The following CPE variants were observed in gnomAD, a reference collection of about 807,000 sequenced individuals.
CPE encodes the protein carbocypeptidase E.
A neutral mutation model predicts 53.5 loss-of-function variants in CPE; 17 were observed. That is an observed-to-expected ratio of 0.32 (90% confidence interval 0.22 to 0.48). The LOEUF (loss-of-function observed/expected upper bound fraction) is 0.48, where lower values mean the gene tolerates loss of function less well. Among genes scored for constraint, CPE ranks in the 20% least tolerant of loss-of-function variants. The pLI is 0.99. For synonymous variants in CPE, 226 were observed against 228.8 expected, an observed-to-expected ratio of 0.99 and a Z score of 0.11; for missense variants, 524 against 614.7, an observed-to-expected ratio of 0.85 and a Z score of 1.56.
chr4:165,480,918 A>C (rs756188723), intron 3 of CPE, among the ~76,000 whole-genome samples: 1 of 150,972 alleles, frequency 6.6e-6, no homozygotes, highest in African/African-American at 2.4e-5. Flanking sequence ...TTAGTAGTGG[A>C]TATCTTTAGG....
At chr4:165,404,559 C>T (rs1433697576) in intron 1 of CPE, 2 of 931,284 alleles carry the variant, frequency 2.1e-6, no homozygotes, top group Non-Finnish European at 3.6e-6. Flanking sequence ...AGATCTTTGG[C>T]CACATGTTTC....
intron 1 of CPE, among the ~76,000 whole-genome samples, chr4:165,430,318 A>C (rs1292441704): frequency 6.6e-6 from 1 of 152,240 alleles, no homozygotes; most frequent in East Asian, 1.9e-4. Flanking sequence ...AATTTGCACA[A>C]AAAATTTTCA....
At chr4:165,387,656 A>C (rs1430770491) in intron 1 of CPE, among the ~76,000 whole-genome samples, 5 of 152,128 alleles carry the variant, frequency 3.3e-5, no homozygotes, top group African/African-American at 1.2e-4. Flanking sequence ...TAAAAATACA[A>C]AAATTAGCCA....
chr4:165,441,212 A>C (rs1731604283), intron 1 of CPE, among the ~76,000 whole-genome samples: 1 of 152,134 alleles, frequency 6.6e-6, no homozygotes, highest in African/African-American at 2.4e-5. Context: ...TCTTGATTTG[A>C]TTGTTAATCT....
intron 3 of CPE, among the ~76,000 whole-genome samples, chr4:165,479,505 T>C (rs1732364214): frequency 6.6e-6 from 1 of 152,208 alleles, no homozygotes; most frequent in Admixed American, 6.5e-5. Context: ...CACATAGTGG[T>C]CACTTAATAC....
intron 1 of CPE, chr4:165,404,336 T>C: frequency 2.6e-6 from 2 of 772,120 alleles, no homozygotes; most frequent in South Asian, 2.7e-5. Flanking sequence ...CAGGCGGAAC[T>C]GGATGTCTTC....
chr4:165,461,827 G>T (rs1282026701), intron 1 of CPE, among the ~76,000 whole-genome samples: 1 of 152,148 alleles, frequency 6.6e-6, no homozygotes, highest in Non-Finnish European at 1.5e-5. Context: ...CATGTTAGTT[G>T]GCTTAAAGGA....
At chr4:165,392,066 A>G in intron 1 of CPE, among the ~76,000 whole-genome samples, 1 of 151,822 alleles carries the variant, frequency 6.6e-6, no homozygotes, top group Non-Finnish European at 1.5e-5. Context: ...TGAAATTTTC[A>G]TCTACAGAAA....
intron 1 of CPE, among the ~76,000 whole-genome samples, chr4:165,455,695 C>T (rs1311368129): frequency 1.3e-5 from 2 of 151,288 alleles, no homozygotes; most frequent in Non-Finnish European, 2.9e-5. Context: ...CACTGTTGCC[C>T]AGGATAGAGT....
chr4:165,404,842 C>T, intron 1 of CPE: 1 of 765,876 alleles, frequency 1.3e-6, no homozygotes, highest in South Asian at 1.3e-5. Flanking sequence ...GCAGCTGCAT[C>T]TTGTCTGCGG....
At chr4:165,485,581 A>C (rs966683136) in intron 5 of CPE, among the ~76,000 whole-genome samples, 1 of 152,190 alleles carries the variant, frequency 6.6e-6, no homozygotes, top group Non-Finnish European at 1.5e-5. Flanking sequence ...GATTTAGAGC[A>C]TGTCTAGTAC....
chr4:165,397,009 C>T (rs1474647169), intron 1 of CPE, among the ~76,000 whole-genome samples: 2 of 151,796 alleles, frequency 1.3e-5, no homozygotes, highest in African/African-American at 4.8e-5. Context: ...TGCAGTGAGC[C>T]ATGATCACAG....
chr4:165,459,011 C>T (rs891169197), intron 1 of CPE, among the ~76,000 whole-genome samples: 1 of 152,280 alleles, frequency 6.6e-6, no homozygotes, highest in East Asian at 1.9e-4. Context: ...GGCATAAATT[C>T]CTTTTACCAT....
intron 1 of CPE, among the ~76,000 whole-genome samples, chr4:165,438,572 G>A (rs1278244971): frequency 6.6e-6 from 1 of 152,096 alleles, no homozygotes; most frequent in Non-Finnish European, 1.5e-5. Context: ...CATAACCCTT[G>A]CTCCTGGGTC....
At chr4:165,382,789 A>T (rs1730524321) in intron 1 of CPE, among the ~76,000 whole-genome samples, 1 of 152,196 alleles carries the variant, frequency 6.6e-6, no homozygotes, top group Non-Finnish European at 1.5e-5. Flanking sequence ...GGTACAGGAC[A>T]TGGGGTGTAG....
At chr4:165,395,794 T>G (rs1197001602) in intron 1 of CPE, among the ~76,000 whole-genome samples, 2 of 152,148 alleles carry the variant, frequency 1.3e-5, no homozygotes, top group Non-Finnish European at 2.9e-5. Flanking sequence ...ATGCATAACA[T>G]GTAGATGCCC....
intron 6 of CPE, among the ~76,000 whole-genome samples, chr4:165,492,211 C>G (rs1480873973): frequency 6.6e-6 from 1 of 152,158 alleles, no homozygotes; most frequent in Non-Finnish European, 1.5e-5. Flanking sequence ...AATCAACATT[C>G]TATTTTCTGT....
At chr4:165,435,978 G>A (rs1442614673) in intron 1 of CPE, among the ~76,000 whole-genome samples, 1 of 152,010 alleles carries the variant, frequency 6.6e-6, no homozygotes, top group Non-Finnish European at 1.5e-5. Context: ...CCAGGGCTTG[G>A]TTTCTTGGTT....
chr4:165,464,596 A>G lies in CPE; in HGVS notation c.504+10A>G. 6.3e-7 allele frequency: 1 copy of G among 1,598,992 alleles called. No homozygotes were observed. Among genetic ancestry groups the G allele is most frequent in the East Asian group, 2.2e-5 (1 of 44,596 alleles). ...GAAGGCAGCGTCTCAGGTGAGTGCC[A>G]GGCAGCTCAGATCAGGCGTGCTTTC... On this transcript the variant is annotated intron_variant, in intron 2 of 8. Transcript: ENST00000402744.
Sources: gnomAD v4.1 joint callset for allele counts (sites outside exome capture counted in the v4.1 genomes callset) on GRCh38, gnomAD v4.1.1 for gene constraint, MANE v1.5 for transcripts, NCBI Gene and HGNC (gene_info 2026-07-23, HGNC 2026-07-21) for gene names.